The following B4GALT6 variants were observed in gnomAD, a reference collection of about 807,000 sequenced individuals.
B4GALT6 encodes beta-1,4-galactosyltransferase 6.
Under a neutral mutation model 46.3 loss-of-function variants are expected in B4GALT6, and 14 were observed. That is an observed-to-expected ratio of 0.30 (90% CI 0.20 to 0.47). B4GALT6 has a LOEUF of 0.47. Among genes scored for constraint, B4GALT6 ranks in the 20% least tolerant of loss-of-function variants. The probability of loss-of-function intolerance (pLI) is 0.99; values close to 1 mark genes in which losing one functional copy is unlikely to be tolerated. For synonymous variants in B4GALT6, 168 were observed against 162.0 expected, an observed-to-expected ratio of 1.04 and a Z score of -0.28; for missense variants, 386 against 480.1, an observed-to-expected ratio of 0.80 and a Z score of 1.83.
chr18:31,633,947 C>T (rs979097621), intron 5 of B4GALT6, among the ~76,000 whole-genome samples: 1 of 152,208 alleles, frequency 6.6e-6, no homozygotes, highest in African/African-American at 2.4e-5. Context: ...TGCCACATCC[C>T]TTTTGTTGAA....
the B4GALT6 span, among the ~76,000 whole-genome samples, chr18:31,695,632 A>AT: frequency 6.6e-6 from 1 of 152,240 alleles, no homozygotes; most frequent in African/African-American, 2.4e-5. Flanking sequence ...AAAACCTTGG[A>AT]TCATCTTACA....
At chr18:31,662,677 T>G (rs537766159) in intron 2 of B4GALT6, among the ~76,000 whole-genome samples, 1 of 152,112 alleles carries the variant, frequency 6.6e-6, no homozygotes, top group East Asian at 1.9e-4. Context: ...CCGTCTCTAC[T>G]AAAAATACAA....
the B4GALT6 span, among the ~76,000 whole-genome samples, chr18:31,699,115 C>A: frequency 2.7e-4 from 41 of 151,178 alleles, no homozygotes; most frequent in African/African-American, 9.4e-4. Flanking sequence ...AAAAGGAATT[C>A]TTTTCTGGCT....
chr18:31,653,742 G>C (rs529351874), intron 3 of B4GALT6, among the ~76,000 whole-genome samples: 2 of 152,024 alleles, frequency 1.3e-5, no homozygotes, highest in Non-Finnish European at 2.9e-5. Flanking sequence ...CACCACGCCC[G>C]GCCTCATAAT....
chr18:31,641,704 T>C (rs900925530), intron 4 of B4GALT6, among the ~76,000 whole-genome samples: 1 of 152,188 alleles, frequency 6.6e-6, no homozygotes, highest in African/African-American at 2.4e-5. Context: ...CAACACTTCA[T>C]CCTCCTGAAT....
rs201755905 is a variant in B4GALT6 at position 31,674,286 on chromosome 18, A to AAG, written c.116-7916_116-7915dup. On this transcript the variant is annotated intron_variant, in intron 1 of 8. Transcript: ENST00000306851. ...CACAAGCCGGAGTGACTCTGAGGGG[A>AAG]AGGGATTTGGAAGAAATGTTGGTTC... Among the ~76,000 whole-genome samples, 4 of 152,310 alleles carry AAG rather than the reference A, an allele frequency of 2.6e-5. No homozygotes were observed. The East Asian group carries it at 7.7e-4, about 29-fold the overall frequency.
At chr18:31,669,594 T>G (rs74377226) in intron 1 of B4GALT6, among the ~76,000 whole-genome samples, 3,251 of 152,086 alleles carry the variant, frequency 0.021, 89 homozygotes, top group East Asian at 0.1. Flanking sequence ...CTTTGGTAAC[T>G]ACAAAAACAT....
chr18:31,722,529 T>A, the B4GALT6 span, among the ~76,000 whole-genome samples: 1 of 152,212 alleles, frequency 6.6e-6, no homozygotes, highest in Admixed American at 6.5e-5. Context: ...TCCTCAGTAG[T>A]GCTCTCAGGT....
chr18:31,710,814 C>CCACA, the B4GALT6 span, among the ~76,000 whole-genome samples: 10,714 of 140,154 alleles, frequency 0.076, 817 homozygotes, highest in African/African-American at 0.19. Context: ...CCTGAATACA[C>CCACA]CACACACACA....
chr18:31,656,963 G>C (rs146813148), intron 3 of B4GALT6, among the ~76,000 whole-genome samples: 3 of 152,094 alleles, frequency 2.0e-5, no homozygotes, highest in African/African-American at 7.2e-5. Flanking sequence ...AGTGAAAATC[G>C]AAACAACGAG....
At chr18:31,662,810 CAG>C (rs2074234858) in intron 2 of B4GALT6, among the ~76,000 whole-genome samples, 1 of 152,024 alleles carries the variant, frequency 6.6e-6, no homozygotes, top group African/African-American at 2.4e-5. Context: ...CACTGCACTT[CAG>C]CCTGGGCGAC....
chr18:31,707,850 T>C, the B4GALT6 span, among the ~76,000 whole-genome samples: 2 of 152,214 alleles, frequency 1.3e-5, no homozygotes, highest in Non-Finnish European at 2.9e-5. Context: ...TATACATACA[T>C]ATTCACAATA....
the B4GALT6 span, among the ~76,000 whole-genome samples, chr18:31,713,484 C>T: frequency 6.6e-6 from 1 of 152,164 alleles, no homozygotes; most frequent in African/African-American, 2.4e-5. Flanking sequence ...TTTGATGCTG[C>T]AGATGGAGAA....
chr18:31,684,772 G>C (rs1030767648), upstream of B4GALT6: 31 of 1,077,576 alleles, frequency 2.9e-5, no homozygotes, highest in African/African-American at 4.4e-4. Flanking sequence ...GCGGGAGGAG[G>C]GGCTGCAGGT....
the B4GALT6 span, chr18:31,724,101 G>T: frequency 3.4e-6 from 1 of 293,410 alleles, no homozygotes; most frequent in Non-Finnish European, 6.8e-6. Flanking sequence ...GGATAAGATT[G>T]CCCTGGTGAC....
At chr18:31,678,050 C>T (rs1377151948) in intron 1 of B4GALT6, among the ~76,000 whole-genome samples, 1 of 152,188 alleles carries the variant, frequency 6.6e-6, no homozygotes, top group Non-Finnish European at 1.5e-5. Flanking sequence ...TCACAAAAGA[C>T]AGTGTGGGTG....
At chr18:31,721,879 T>G in the B4GALT6 span, among the ~76,000 whole-genome samples, 1 of 151,698 alleles carries the variant, frequency 6.6e-6, no homozygotes, top group South Asian at 2.1e-4. Context: ...TCTCTCTCTC[T>G]CTGTGTGTGT....
chr18:31,716,593 A>G, the B4GALT6 span, among the ~76,000 whole-genome samples: 1 of 152,168 alleles, frequency 6.6e-6, no homozygotes, highest in Non-Finnish European at 1.5e-5. Flanking sequence ...GAGAAACCAT[A>G]GACGTAGGTT....
At chr18:31,717,028 G>A in the B4GALT6 span, among the ~76,000 whole-genome samples, 1 of 152,054 alleles carries the variant, frequency 6.6e-6, no homozygotes, top group East Asian at 1.9e-4. Context: ...GAATCTGGGG[G>A]TGGGGCGGAG....
Sources: gnomAD v4.1 joint callset for allele counts (sites outside exome capture counted in the v4.1 genomes callset) on GRCh38, gnomAD v4.1.1 for gene constraint, MANE v1.5 for transcripts, NCBI Gene and HGNC (gene_info 2026-07-23, HGNC 2026-07-21) for gene names.